The following ARMC8 variants were observed in gnomAD, a reference collection of about 807,000 sequenced individuals.
The protein encoded by ARMC8 is armadillo repeat containing 8.
A neutral mutation model predicts 99.3 loss-of-function variants in ARMC8; 20 were observed. The ratio of observed to expected loss-of-function variants is 0.20; its 90% CI spans 0.14 to 0.29. The LOEUF (loss-of-function observed/expected upper bound fraction) is 0.29, where lower values mean the gene tolerates loss of function less well. Ranked by LOEUF, ARMC8 falls within the 10% of genes least tolerant of loss-of-function variation. The probability of loss-of-function intolerance (pLI) is 1.00; values close to 1 mark genes in which losing one functional copy is unlikely to be tolerated. For missense variants in ARMC8, 569 were observed against 809.5 expected (o/e 0.70, Z 3.60); for synonymous variants, 263 against 278.3 (o/e 0.95, Z 0.55).
chr3:138,224,227 G>A (rs1178953117), intron 5 of ARMC8, among the ~76,000 whole-genome samples: 1 of 151,070 alleles, frequency 6.6e-6, no homozygotes, highest in African/African-American at 2.4e-5. Flanking sequence ...CAAAGTGCTG[G>A]GATTACAGGT....
intron 12 of ARMC8, among the ~76,000 whole-genome samples, chr3:138,247,089 G>A (rs542494311): frequency 2.6e-4 from 40 of 152,214 alleles, no homozygotes; most frequent in South Asian, 6.2e-4. Context: ...GGCCATAGGC[G>A]TGGAAAAATT....
At chr3:138,278,618 C>T (rs1049704778) in intron 18 of ARMC8, among the ~76,000 whole-genome samples, 4 of 152,024 alleles carry the variant, frequency 2.6e-5, no homozygotes, top group East Asian at 1.9e-4. Context: ...CTTGGGATTT[C>T]GATCGTATTG....
chr3:138,262,564 C>T (rs144249334), intron 12 of ARMC8: 10 of 1,611,712 alleles, frequency 6.2e-6, no homozygotes, highest in Non-Finnish European at 8.5e-6. Context: ...TGATCTTCAA[C>T]CTTGGCTGTG....
chr3:138,245,997 T>TTGC (rs2046863254), intron 12 of ARMC8: 1 of 985,180 alleles, frequency 1.0e-6, no homozygotes, highest in East Asian at 1.1e-4. Context: ...TAGTCATTAT[T>TTGC]TACTGAACAT....
chr3:138,217,207 G>A (rs1460062730), intron 2 of ARMC8, among the ~76,000 whole-genome samples: 2 of 152,124 alleles, frequency 1.3e-5, no homozygotes, highest in African/African-American at 2.4e-5. Flanking sequence ...CAAATAATGT[G>A]TCCTCGTCGT....
intron 12 of ARMC8, among the ~76,000 whole-genome samples, chr3:138,257,665 C>T (rs1362700107): frequency 2.6e-5 from 4 of 151,944 alleles, no homozygotes; most frequent in African/African-American, 9.7e-5. Context: ...GTGCTCATTT[C>T]CTAAAAAATA....
intron 3 of ARMC8, 94 bp downstream of exon 3, chr3:138,222,091 C>A: frequency 1.2e-6 from 1 of 852,490 alleles, no homozygotes; most frequent in Non-Finnish European, 1.9e-6. Context: ...CCTGTATTGT[C>A]TGTCTAATTC....
chr3:138,191,598 T>C (rs1488602541), intron 1 of ARMC8, among the ~76,000 whole-genome samples: 1 of 152,176 alleles, frequency 6.6e-6, no homozygotes, highest in East Asian at 1.9e-4. Context: ...TACAGAACTA[T>C]TCCGTCACCG....
At chr3:138,234,621 A>G (rs780857710) in intron 6 of ARMC8, among the ~76,000 whole-genome samples, 2 of 152,202 alleles carry the variant, frequency 1.3e-5, no homozygotes, top group African/African-American at 2.4e-5. Flanking sequence ...AGTTGTAACA[A>G]TGACTCTGCC....
At chr3:138,280,730 G>A (rs2049821081) in intron 18 of ARMC8, among the ~76,000 whole-genome samples, 1 of 151,738 alleles carries the variant, frequency 6.6e-6, no homozygotes, top group Non-Finnish European at 1.5e-5. Context: ...CGAACCTAGT[G>A]ATCCACCCAC....
chr3:138,232,267 C>T (rs553432412), intron 6 of ARMC8, among the ~76,000 whole-genome samples: 3 of 152,116 alleles, frequency 2.0e-5, no homozygotes, highest in South Asian at 4.1e-4. Flanking sequence ...TGAGCCACTG[C>T]GTCTAGCCCC....
At chr3:138,279,615 TA>T (rs1473616579) in intron 18 of ARMC8, among the ~76,000 whole-genome samples, 1 of 152,192 alleles carries the variant, frequency 6.6e-6, no homozygotes, top group Non-Finnish European at 1.5e-5. Flanking sequence ...AAGAATTAAT[TA>T]TTTTTTTCTT....
At chr3:138,264,269 A>T (rs1473272805) in intron 14 of ARMC8, 57 bp downstream of exon 14, 1 of 1,393,952 alleles carries the variant, frequency 7.2e-7, no homozygotes, top group African/African-American at 1.4e-5. Flanking sequence ...GAGTGAGCTG[A>T]GCTAGCTAAC....
chr3:138,198,437 C>G (rs1302899358), intron 1 of ARMC8, among the ~76,000 whole-genome samples: 1 of 151,706 alleles, frequency 6.6e-6, no homozygotes. Flanking sequence ...AGTCAGATCT[C>G]CAGACTCCCA....
intron 14 of ARMC8, among the ~76,000 whole-genome samples, chr3:138,264,972 A>C (rs896962930): frequency 5.3e-5 from 8 of 150,798 alleles, no homozygotes; most frequent in African/African-American, 2.0e-4. Flanking sequence ...GTCATGGCTC[A>C]CTGCAGCCTT....
chr3:138,238,803 T>TAA (rs1157897301), intron 9 of ARMC8: 1 of 152,218 alleles, frequency 6.6e-6, no homozygotes, highest in Non-Finnish European at 1.5e-5. Context: ...CCCATCTTGC[T>TAA]AAAGGAATGT....
chr3:138,290,562 G>C lies in ARMC8; in HGVS notation c.1911G>C (p.Gln637His). 6.2e-7 allele frequency: 1 copy of C among 1,605,180 alleles called. No homozygotes were observed. Among genetic ancestry groups the C allele is most frequent in the Non-Finnish European group, 8.5e-7 (1 of 1,176,146 alleles). ...WNEEEGSQER[Q>H]DKLRDMGIVD... ...ATCGTTTAGGTTCACAAGAACGCCA[G>C]GATAAATTACGAGACATGGGCATCG... Residue 637 changes from glutamine to histidine, a missense_variant, in exon 21 of 22, where the codon CAG becomes CAC. This residue lies in a region of ARMC8 where 227 missense variants were observed against 417.9 expected (regional missense o/e 0.54). Transcript: ENST00000469044.
intron 18 of ARMC8, among the ~76,000 whole-genome samples, chr3:138,276,574 A>G (rs60869527): frequency 3.9e-5 from 6 of 152,206 alleles, no homozygotes; most frequent in African/African-American, 9.6e-5. Context: ...GAACTAATAA[A>G]TGAGTTAAGC....
intron 18 of ARMC8, among the ~76,000 whole-genome samples, chr3:138,280,234 C>T (rs951426282): frequency 6.6e-6 from 1 of 151,726 alleles, no homozygotes; most frequent in African/African-American, 2.4e-5. Flanking sequence ...TCAGTCTGAC[C>T]AGAGGTTTAG....
Sources: allele counts gnomAD v4.1 joint callset (sites outside exome capture counted in the v4.1 genomes callset), GRCh38; gene constraint gnomAD v4.1.1; regional missense constraint gnomAD v4.1.1; transcripts MANE v1.5; gene names NCBI Gene and HGNC (gene_info 2026-07-23, HGNC 2026-07-21).